The following URGCP variants were observed in gnomAD, a reference collection of about 807,000 sequenced individuals.
URGCP encodes the protein up-regulator of cell proliferation.
A neutral mutation model predicts 24.6 loss-of-function variants in URGCP; 13 were observed. The ratio of observed to expected loss-of-function variants is 0.53; its 90% CI spans 0.34 to 0.84. The LOEUF (loss-of-function observed/expected upper bound fraction) is 0.84, where lower values mean the gene tolerates loss of function less well. Among genes scored for constraint, URGCP ranks in the 40% least tolerant of loss-of-function variants. URGCP has a pLI of 0.01. For missense variants in URGCP, 899 were observed against 1,194.3 expected, an observed-to-expected ratio of 0.75 and a Z score of 3.64; for synonymous variants, 444 against 487.2, an observed-to-expected ratio of 0.91 and a Z score of 1.17.
chr7:43,895,704 G>A (rs1477772021), intron 1 of URGCP, among the ~76,000 whole-genome samples: 1 of 152,180 alleles, frequency 6.6e-6, no homozygotes, highest in Admixed American at 6.5e-5. Context: ...ACCAATGCTG[G>A]TAAGGATGTG....
intron 1 of URGCP, among the ~76,000 whole-genome samples, chr7:43,913,437 C>G (rs2095912321): frequency 6.6e-6 from 1 of 151,720 alleles, no homozygotes. Context: ...CCAGGATGGT[C>G]TTCATCTCCT....
chr7:43,895,649 T>G (rs2095877190), intron 1 of URGCP, among the ~76,000 whole-genome samples: 1 of 152,228 alleles, frequency 6.6e-6, no homozygotes. Flanking sequence ...CGCTCCAGCC[T>G]GGATGACACG....
chr7:43,889,813 TAC>T (rs934946776), intron 1 of URGCP, among the ~76,000 whole-genome samples: 5 of 152,198 alleles, frequency 3.3e-5, no homozygotes, highest in Non-Finnish European at 7.3e-5. Flanking sequence ...ATATTTACTG[TAC>T]ACACCCTACT....
Position 43,878,812 on chromosome 7 carries a change from C to A in URGCP, c.651G>T (p.Leu217Phe). 2 of 1,614,082 alleles carry A rather than the reference C, an allele frequency of 1.2e-6. No individual in the cohort carries two copies. The highest frequency in any genetic ancestry group is 1.7e-6 in the Non-Finnish European group (2 of 1,179,962). Residue 217 changes from leucine to phenylalanine, a missense_variant, in exon 6 of 6, where the codon TTG becomes TTT. Leu to Phe is a conservative substitution (Grantham distance 22). Transcript: ENST00000453200. The surrounding 1 kb of genome is among the most constrained non-coding windows in gnomAD (Gnocchi z 5.6). ...TATGGTAGTGGTTCTCCGAGTCAGG[C>A]AACACGAGTGGGAGTGCAAACTGGC... is the stretch of plus-strand genomic sequence containing the variant. Reference protein sequence around the residue: ...ALCQFALPLVLPDSENHYHTF... With the variant: ...ALCQFALPLVFPDSENHYHTF...
intron 1 of URGCP, among the ~76,000 whole-genome samples, chr7:43,896,907 C>G (rs2095879436): frequency 6.6e-6 from 1 of 151,982 alleles, no homozygotes. Flanking sequence ...TAGATTTATC[C>G]ACATATTTAT....
chr7:43,917,962 AAAAAC>A (rs796272291), intron 1 of URGCP, among the ~76,000 whole-genome samples: 1 of 152,048 alleles, frequency 6.6e-6, no homozygotes. Flanking sequence ...GACCGTCTCA[AAAAAC>A]AAAACAAAAC....
Position 43,877,876 on chromosome 7 carries a change from C to T in URGCP, c.1587G>A (p.Arg529=). Residue 529 remains arginine, a synonymous_variant, in exon 6 of 6, where the codon AGG becomes AGA. Transcript: ENST00000453200. Reference sequence around the variant, plus strand: ...GCATTCGAAGTTCTAGCAGCCGCCGCCTCAGCTCAGCCCTGTGCTTCTCAG... The same window carrying T: ...GCATTCGAAGTTCTAGCAGCCGCCGTCTCAGCTCAGCCCTGTGCTTCTCAG... ...DPPEKHRAEL[R]RRLLELRMQQ... The T allele has an allele frequency of 6.2e-7, 1 of 1,613,012 alleles. No homozygotes were observed. The highest frequency in any genetic ancestry group is 8.5e-7 in the Non-Finnish European group (1 of 1,179,422).
intron 1 of URGCP, among the ~76,000 whole-genome samples, chr7:43,922,006 C>A (rs573480640): frequency 2.0e-5 from 3 of 152,150 alleles, no homozygotes; most frequent in Non-Finnish European, 4.4e-5. Context: ...TATTCTCCTG[C>A]CTTCGATTCC....
chr7:43,887,467 T>C lies in URGCP; in HGVS notation c.60A>G (p.Glu20=), dbSNP rs772717725. 15 of 1,613,784 alleles carry C rather than the reference T, an allele frequency of 9.3e-6. No homozygotes were observed. Among genetic ancestry groups the C allele is most frequent in the Admixed American group, 1.7e-5 (1 of 59,988 alleles). Residue 20 remains glutamate (E), a synonymous_variant, in exon 3 of 6, where the codon GAA becomes GAG. Coordinates refer to ENST00000453200, the MANE Select transcript of URGCP (RefSeq NM_001077663.3). The part of the protein sequence containing the change: ...LLGKGHSDLG[E]VAPEIKASER... ...CTGATGCTTTTATTTCTGGGGCTAC[T>C]TCTCCCAAATCTGAATGCCTGAAAC...
At chr7:43,895,969 T>C (rs1450957429) in intron 1 of URGCP, among the ~76,000 whole-genome samples, 1 of 152,194 alleles carries the variant, frequency 6.6e-6, no homozygotes, top group Non-Finnish European at 1.5e-5. Context: ...ATAAAGAACA[T>C]GTGGTATACA....
In URGCP at chr7:43,878,795, T is replaced by G. The variant is rs201642361; in HGVS notation, c.668A>C (p.His223Pro). The part of the protein sequence containing the change: ...LPLVLPDSEN[H>P]YHTFLLWAMR... ...GGCCCACAGCAGAAATGTATGGTAG[T>G]GGTTCTCCGAGTCAGGCAACACGAG... Residue 223 changes from histidine (H) to proline (P), a missense_variant, in exon 6 of 6, where the codon CAC becomes CCC. By Grantham distance (77) the His-to-Pro change is moderately conservative (BLOSUM62 -2). Transcript: ENST00000453200. The surrounding 1 kb of genome is among the most constrained non-coding windows in gnomAD (Gnocchi z 5.6). 1 of 1,614,016 alleles carries G rather than the reference T, an allele frequency of 6.2e-7. No individual in the cohort carries two copies. The highest frequency in any genetic ancestry group is 2.2e-5 in the East Asian group (1 of 44,884).
At chr7:43,882,514 A>C (rs2095855470) in intron 3 of URGCP, among the ~76,000 whole-genome samples, 1 of 152,000 alleles carries the variant, frequency 6.6e-6, no homozygotes, top group Non-Finnish European at 1.5e-5. Context: ...CAGCTGAGGC[A>C]GGAGGATTAC....
At position 43,887,787 on chromosome 7, in the gene URGCP, T is replaced by C. The variant is rs762222817; in HGVS notation, c.41+3A>G. The C allele has an allele frequency of 3.9e-6, 6 of 1,549,442 alleles. No individual in the cohort carries two copies. Among genetic ancestry groups the C allele is most frequent in the Non-Finnish European group, 4.4e-6 (5 of 1,145,986 alleles). ...ATTCAGAAAGACAGAAAAATATACA[T>C]ACCCTTTGCCCAGTAATTCCACTTC... On this transcript the variant is annotated splice_donor_region_variant and intron_variant, in intron 2 of 5. Transcript: ENST00000453200.
Position 43,878,433 on chromosome 7 carries a change from G to A in URGCP, c.1030C>T (p.His344Tyr), listed in dbSNP as rs753200703. ...GTCAAGAGCTTAAACTGCAGCCAGT[G>A]AGACCCGATGTCACCTCTCAGGTTC... Reference protein sequence around the residue: ...FLNLRGDIGSHWLQFKLLTEI... With the variant: ...FLNLRGDIGSYWLQFKLLTEI... The change falls in exon 6 of 6, where the codon CAC becomes TAC. Residue 344 changes from histidine to tyrosine, a missense_variant. By Grantham distance (83) the His-to-Tyr change is moderately conservative (BLOSUM62 2). Transcript: ENST00000453200. This position sits in a 1 kb window ranked among gnomAD's most constrained non-coding sequence, Gnocchi z 5.6. The A allele has an allele frequency of 1.2e-6, 2 of 1,614,178 alleles. No homozygotes were observed. The highest frequency in any genetic ancestry group is 1.7e-5 in the Admixed American group (1 of 60,026).
At chr7:43,898,816 T>C (rs1448224346) in intron 1 of URGCP, among the ~76,000 whole-genome samples, 2 of 148,964 alleles carry the variant, frequency 1.3e-5, no homozygotes, top group Non-Finnish European at 3.0e-5. Context: ...AGAAATCTAT[T>C]TCTGGATTTT....
Position 43,877,921 on chromosome 7 carries a change from G to A in URGCP, c.1542C>T (p.Leu514=). The A allele has an allele frequency of 1.2e-6, 2 of 1,614,064 alleles. No individual in the cohort carries two copies. Among genetic ancestry groups the A allele is most frequent in the Non-Finnish European group, 1.7e-6 (2 of 1,180,008 alleles). ...AAQVEKEFCQ[L]QWAVDPPEKH... Reference sequence around the variant, plus strand: ...TCTCAGGGGGGTCCACGGCCCACTGGAGCTGGCAGAACTCCTTCTCCACTT... The same window carrying A: ...TCTCAGGGGGGTCCACGGCCCACTGAAGCTGGCAGAACTCCTTCTCCACTT... The change falls in exon 6 of 6, where the codon CTC becomes CTT. Residue 514 remains leucine (L), a synonymous_variant. Coordinates refer to ENST00000453200, the MANE Select transcript of URGCP (RefSeq NM_001077663.3).
At chr7:43,882,921 T>G (rs1316617232) in intron 3 of URGCP, among the ~76,000 whole-genome samples, 1 of 152,206 alleles carries the variant, frequency 6.6e-6, no homozygotes, top group Non-Finnish European at 1.5e-5. Context: ...ATTCAGCACC[T>G]GTCAATGTTA....
At chr7:43,910,382 A>ATTTT (rs1158648185), upstream of URGCP, among the ~76,000 whole-genome samples, 26 of 90,102 alleles carry the variant, frequency 2.9e-4, no homozygotes, top group African/African-American at 7.1e-4. Context: ...TGTCTGGCTA[A>ATTTT]TTTTTTTTTT....
intron 1 of URGCP, among the ~76,000 whole-genome samples, chr7:43,894,829 G>A (rs1259911035): frequency 2.6e-5 from 4 of 152,074 alleles, no homozygotes; most frequent in African/African-American, 9.7e-5. Context: ...AGGAGTTTGA[G>A]AACAAGCCTA....
Sources: gnomAD v4.1 joint callset for allele counts (sites outside exome capture counted in the v4.1 genomes callset) on GRCh38, gnomAD v4.1.1 for gene constraint, Gnocchi (gnomAD v3.1) non-coding constraint, MANE v1.5 for transcripts, NCBI Gene and HGNC (gene_info 2026-07-23, HGNC 2026-07-21) for gene names.